Variants in PTPRG observed in about 807,000 individuals in gnomAD.
PTPRG encodes receptor-type tyrosine-protein phosphatase gamma.
A neutral mutation model predicts 165.3 loss-of-function variants in PTPRG; 102 were observed. The ratio of observed to expected loss-of-function variants is 0.62; its 90% confidence interval spans 0.53 to 0.73. The LOEUF is 0.73. Among genes scored for constraint, PTPRG ranks in the 30% least tolerant of loss-of-function variants. The probability of loss-of-function intolerance (pLI) is 0.00; values close to 1 mark genes in which losing one functional copy is unlikely to be tolerated. For synonymous variants in PTPRG, 675 were observed against 669.5 expected (o/e 1.01, Z -0.13); for missense variants, 1,866 against 1,861.4 (o/e 1.00, Z -0.05).
At chr3:61,801,135 C>T (rs900607653) in intron 2 of PTPRG, among the ~76,000 whole-genome samples, 1 of 152,042 alleles carries the variant, frequency 6.6e-6, no homozygotes, top group Non-Finnish European at 1.5e-5. Context: ...GCACTGGCAG[C>T]CCAGGGGAGT....
intron 2 of PTPRG, among the ~76,000 whole-genome samples, chr3:61,916,654 A>G (rs2038944163): frequency 6.6e-6 from 1 of 152,188 alleles, no homozygotes; most frequent in Non-Finnish European, 1.5e-5. Context: ...TAATCATTAT[A>G]TGTTTTTAAT....
chr3:62,138,696 G>A lies in PTPRG; in HGVS notation c.682+6028G>A, dbSNP rs149177954. Among the ~76,000 whole-genome samples, 355 of 125,890 alleles carry A rather than the reference G, an allele frequency of 2.8e-3. No homozygotes were observed. The Middle Eastern group carries it at 0.062, about 22-fold the overall frequency. The allele number at this position is 125,890 out of a possible 152,430, so 82.6% of individuals were successfully genotyped here. A position where few individuals can be genotyped will look rare whatever the true frequency, so the allele number is the denominator to read the frequency against. ...GCTGCGCCATTGTACTCCAGCCTCA[G>A]TGACAAGGGCAAAGCTCCAAAAAAA... On this transcript the variant is annotated intron_variant, in intron 6 of 29. Coordinates refer to ENST00000474889, the MANE Select transcript of PTPRG (RefSeq NM_002841.4).
At chr3:61,617,786 G>GGTGT (rs113587192) in intron 1 of PTPRG, among the ~76,000 whole-genome samples, 4,608 of 152,228 alleles carry the variant, frequency 0.03, 233 homozygotes, top group African/African-American at 0.11. Context: ...GTGAGTTAAA[G>GGTGT]GTGTGCCTGT....
At chr3:62,232,695 A>C (rs1700933224) in intron 14 of PTPRG, among the ~76,000 whole-genome samples, 1 of 152,080 alleles carries the variant, frequency 6.6e-6, no homozygotes, top group Admixed American at 6.5e-5. Context: ...CCCATTATAG[A>C]TATATTTTAG....
intron 8 of PTPRG, among the ~76,000 whole-genome samples, chr3:62,172,149 G>A (rs9853430): frequency 0.2 from 30,503 of 152,118 alleles, 3,211 homozygotes; most frequent in East Asian, 0.36. Context: ...CCATTTATCA[G>A]TTAATGGACA....
At chr3:62,001,205 G>A (rs1042891521) in intron 3 of PTPRG, among the ~76,000 whole-genome samples, 1 of 152,194 alleles carries the variant, frequency 6.6e-6, no homozygotes, top group Admixed American at 6.5e-5. Context: ...TTTTGGAAGG[G>A]GTGGGTGGAC....
chr3:61,891,048 G>A (rs775773004), intron 2 of PTPRG, among the ~76,000 whole-genome samples: 15 of 152,152 alleles, frequency 9.9e-5, no homozygotes, highest in Middle Eastern at 3.4e-3. Flanking sequence ...GGCTGGTTGC[G>A]GTGGCTCATG....
At chr3:62,242,623 C>T (rs1701186452) in intron 14 of PTPRG, among the ~76,000 whole-genome samples, 1 of 152,206 alleles carries the variant, frequency 6.6e-6, no homozygotes, top group African/African-American at 2.4e-5. Flanking sequence ...GGTCTCTTCA[C>T]TCCCAAGGAG....
chr3:61,810,266 G>C (rs150321846), intron 2 of PTPRG, among the ~76,000 whole-genome samples: 16 of 152,322 alleles, frequency 1.1e-4, no homozygotes, highest in African/African-American at 3.8e-4. Flanking sequence ...CCAAAAATGA[G>C]TTTAGGGTGC....
intron 2 of PTPRG, among the ~76,000 whole-genome samples, chr3:61,775,626 A>C (rs1365134012): frequency 6.6e-6 from 1 of 152,172 alleles, no homozygotes; most frequent in Non-Finnish European, 1.5e-5. Flanking sequence ...GTTTGTTTCC[A>C]TGTAAAACAA....
chr3:62,132,816 G>T (rs13082242), intron 6 of PTPRG, 148 bp downstream of exon 6: 111,222 of 746,904 alleles, frequency 0.15, 9,704 homozygotes, highest in Non-Finnish European at 0.18. Context: ...TTATATGATG[G>T]GTAAAGAGCA....
At chr3:62,185,747 G>A (rs1342663298) in intron 8 of PTPRG, among the ~76,000 whole-genome samples, 1 of 152,222 alleles carries the variant, frequency 6.6e-6, no homozygotes, top group Non-Finnish European at 1.5e-5. Context: ...GCCATAGAGT[G>A]TGTCCACGTA....
At chr3:61,952,692 C>G (rs1331052115) in intron 2 of PTPRG, among the ~76,000 whole-genome samples, 1 of 152,158 alleles carries the variant, frequency 6.6e-6, no homozygotes, top group Non-Finnish European at 1.5e-5. Context: ...CTCATTCAGT[C>G]CTTTCTGTCC....
chr3:61,624,822 T>C (rs1333931187), intron 1 of PTPRG, among the ~76,000 whole-genome samples: 2 of 152,154 alleles, frequency 1.3e-5, no homozygotes, highest in East Asian at 3.9e-4. Context: ...TTATCAAATA[T>C]AGGGATGTGT....
intron 2 of PTPRG, among the ~76,000 whole-genome samples, chr3:61,940,941 G>C (rs1388078568): frequency 6.7e-6 from 1 of 149,428 alleles, no homozygotes; most frequent in Non-Finnish European, 1.5e-5. Context: ...TGCGTTAGAT[G>C]CTTCTTATAT....
In PTPRG at chr3:62,294,887, G is replaced by T. The variant is rs1288394610; in HGVS notation, c.*1580G>T. 2 of 152,090 alleles carry T rather than the reference G, an allele frequency of 1.3e-5. No homozygotes were observed. Among genetic ancestry groups the T allele is most frequent in the South Asian group, 4.1e-4 (2 of 4,826 alleles). The allele number at this position is 152,090 out of a possible 1,614,324, so 9.4% of individuals were successfully genotyped here. A position where few individuals can be genotyped will look rare whatever the true frequency, so the allele number is the denominator to read the frequency against. ...TGGGTATGCATTAAACATTAATGAT[G>T]ATCAGCACTGAGGTTCTATTTATCT... On this transcript the variant is annotated 3_prime_UTR_variant, in exon 30 of 30. Transcript: ENST00000474889.
intron 2 of PTPRG, among the ~76,000 whole-genome samples, chr3:61,886,992 G>T (rs942567820): frequency 9.3e-5 from 14 of 151,158 alleles, no homozygotes; most frequent in African/African-American, 2.9e-4. Flanking sequence ...AAGCAAACCA[G>T]TGAAGCATCT....
chr3:61,878,829 C>A (rs895210047), intron 2 of PTPRG, among the ~76,000 whole-genome samples: 5 of 152,078 alleles, frequency 3.3e-5, no homozygotes, highest in African/African-American at 1.2e-4. Flanking sequence ...CACAATAGAA[C>A]CGTCCTATAT....
chr3:61,931,625 T>G (rs1192411047), intron 2 of PTPRG, among the ~76,000 whole-genome samples: 1 of 152,186 alleles, frequency 6.6e-6, no homozygotes, highest in African/African-American at 2.4e-5. Context: ...TCTTCTAACC[T>G]TGACTTTACT....
Sources: allele counts gnomAD v4.1 joint callset (sites outside exome capture counted in the v4.1 genomes callset), GRCh38; gene constraint gnomAD v4.1.1; transcripts MANE v1.5; gene names NCBI Gene and HGNC (gene_info 2026-07-23, HGNC 2026-07-21).